CAMKMT: variants seen among roughly 807,000 people sequenced by gnomAD.
CAMKMT encodes CaM KMT.
CAMKMT carries 53 observed loss-of-function variants against 48.0 expected under a neutral mutation model. The observed-to-expected ratio is 1.10, with a 90% confidence interval of 0.89 to 1.39. The LOEUF is 1.39. CAMKMT is among the 40% of genes most tolerant of loss of function. CAMKMT has a pLI of 0.00. For synonymous variants in CAMKMT, 165 were observed against 152.3 expected, an observed-to-expected ratio of 1.08 and a Z score of -0.61; for missense variants, 428 against 402.7, an observed-to-expected ratio of 1.06 and a Z score of -0.54.
intron 2 of CAMKMT, among the ~76,000 whole-genome samples, chr2:44,376,799 A>G (rs1053349420): frequency 6.6e-6 from 1 of 152,244 alleles, no homozygotes; most frequent in African/African-American, 2.4e-5. Context: ...TGAAGGAATA[A>G]TTTTCCCTTA....
chr2:44,538,984 G>A (rs1351763863), intron 3 of CAMKMT, among the ~76,000 whole-genome samples: 1 of 150,254 alleles, frequency 6.7e-6, no homozygotes, highest in East Asian at 2.0e-4. Flanking sequence ...GTGTGTGTGT[G>A]TGTGTGTGTG....
Position 44,372,824 on chromosome 2 carries a change from G to A in CAMKMT, c.247G>A (p.Glu83Lys). 1 of 1,613,974 alleles carries A rather than the reference G, an allele frequency of 6.2e-7. No individual in the cohort carries two copies. Among genetic ancestry groups the A allele is most frequent in the African/African-American group, 1.3e-5 (1 of 75,038 alleles). The change falls in exon 2 of 11, where the codon GAG (glutamate) becomes AAG (lysine). Residue 83 changes from glutamate (E) to lysine (K), a missense_variant. Coordinates refer to ENST00000378494, the MANE Select transcript of CAMKMT (RefSeq NM_024766.5). Reference protein sequence around the residue: ...VTEGKERETEEEVGAWVQYTS... With the variant: ...VTEGKERETEKEVGAWVQYTS... ...AGAAGGCAAAGAAAGGGAAACTGAA[G>A]AGGAGGTTGGTGCATGGGTCCAATA... is the stretch of plus-strand genomic sequence containing the variant.
intron 3 of CAMKMT, among the ~76,000 whole-genome samples, chr2:44,669,988 A>G (rs776214180): frequency 2.0e-5 from 3 of 152,076 alleles, no homozygotes; most frequent in Non-Finnish European, 2.9e-5. Context: ...CTACTTTTCA[A>G]TGATTATAGG....
chr2:44,452,074 T>C (rs1209185775), intron 3 of CAMKMT, among the ~76,000 whole-genome samples: 1 of 151,968 alleles, frequency 6.6e-6, no homozygotes, highest in Non-Finnish European at 1.5e-5. Flanking sequence ...ACCATTCATA[T>C]TTTAGCTGGT....
At chr2:44,594,351 C>G (rs1300529970) in intron 3 of CAMKMT, among the ~76,000 whole-genome samples, 9 of 152,108 alleles carry the variant, frequency 5.9e-5, no homozygotes, top group Non-Finnish European at 4.4e-5. Context: ...CCCGTATAGC[C>G]AAGACAATCC....
In CAMKMT at chr2:44,607,883, A is replaced by G. The variant is rs144774765; in HGVS notation, c.377-96400A>G. Reference sequence around the variant, plus strand: ...GATTCAAAAAAGTAAAGAAAATAGTATAGTGAGAGCAATATACCCATTACC... The same window carrying G: ...GATTCAAAAAAGTAAAGAAAATAGTGTAGTGAGAGCAATATACCCATTACC... On this transcript the variant is annotated intron_variant, in intron 3 of 10. Transcript: ENST00000378494. 5.9e-5 allele frequency among the ~76,000 whole-genome samples: 9 copies of G among 152,216 alleles called. No homozygotes were observed. The East Asian group carries it at 1.5e-3, about 26-fold the overall frequency.
In CAMKMT at chr2:44,501,064, G is replaced by GT. The variant is rs1356092728; in HGVS notation, c.376+110770dup. Among the ~76,000 whole-genome samples, 387 of 143,408 alleles carry GT rather than the reference G, an allele frequency of 2.7e-3. 2 individuals are homozygous for GT. The highest frequency in any genetic ancestry group is 4.3e-3 in the African/African-American group (167 of 39,270). The allele number at this position is 143,408 out of a possible 152,430, so 94.1% of individuals were successfully genotyped here. A position where few individuals can be genotyped will look rare whatever the true frequency, so the allele number is the denominator to read the frequency against. ...TTTTTTTTTAACCTTATATATTTTG[G>GT]TTTTTTTTTTTCCTGGAGACTTGTA... is the stretch of plus-strand genomic sequence containing the variant. On this transcript the variant is annotated intron_variant, in intron 3 of 10. Transcript: ENST00000378494.
intron 3 of CAMKMT, among the ~76,000 whole-genome samples, chr2:44,398,385 G>A (rs577053377): frequency 2.0e-5 from 3 of 152,142 alleles, no homozygotes; most frequent in African/African-American, 7.2e-5. Flanking sequence ...GTGTCTCAGA[G>A]GAGACTGATT....
chr2:44,739,352 T>C (rs1294299585), intron 7 of CAMKMT, among the ~76,000 whole-genome samples: 1 of 152,174 alleles, frequency 6.6e-6, no homozygotes, highest in Non-Finnish European at 1.5e-5. Flanking sequence ...GACCTGCACT[T>C]GTGGCATATT....
In CAMKMT at chr2:44,752,109, C is replaced by T. The variant is rs868020741; in HGVS notation, c.699-1946C>T. Among the ~76,000 whole-genome samples, 6 of 152,106 alleles carry T rather than the reference C, an allele frequency of 3.9e-5. No individual in the cohort carries two copies. The Middle Eastern group carries it at 0.01, about 260-fold the overall frequency. ...ACATCCGAACAGTATCACTGCTTTT[C>T]GGTGCTGTATATACAATTTGGGCCC... On this transcript the variant is annotated intron_variant, in intron 8 of 10. Coordinates refer to ENST00000378494, the MANE Select transcript of CAMKMT (RefSeq NM_024766.5).
intron 3 of CAMKMT, among the ~76,000 whole-genome samples, chr2:44,426,027 A>G (rs1226978506): frequency 3.3e-5 from 5 of 152,170 alleles, no homozygotes; most frequent in Admixed American, 2.6e-4. Flanking sequence ...CACTGTGCCC[A>G]GCCAGGATTG....
intron 3 of CAMKMT, among the ~76,000 whole-genome samples, chr2:44,688,234 G>C (rs1319344354): frequency 6.6e-6 from 1 of 152,112 alleles, no homozygotes; most frequent in Non-Finnish European, 1.5e-5. Flanking sequence ...AAGTTGGTTG[G>C]AGACATTTGT....
At chr2:44,606,276 G>A (rs2103877130) in intron 3 of CAMKMT, among the ~76,000 whole-genome samples, 1 of 152,260 alleles carries the variant, frequency 6.6e-6, no homozygotes, top group Non-Finnish European at 1.5e-5. Flanking sequence ...CAGCTCATGA[G>A]GAAATTAAGT....
intron 2 of CAMKMT, among the ~76,000 whole-genome samples, chr2:44,388,099 T>G (rs1426527608): frequency 6.6e-6 from 1 of 152,186 alleles, no homozygotes; most frequent in Non-Finnish European, 1.5e-5. Flanking sequence ...TCCTTGATTA[T>G]TCCCCCAAAT....
intron 4 of CAMKMT, among the ~76,000 whole-genome samples, chr2:44,705,809 G>T (rs1209262431): frequency 6.6e-6 from 1 of 152,020 alleles, no homozygotes; most frequent in Non-Finnish European, 1.5e-5. Context: ...TAAAATTCAG[G>T]ATTGCATCTA....
chr2:44,494,302 T>G (rs1370607470), intron 3 of CAMKMT, among the ~76,000 whole-genome samples: 1 of 152,166 alleles, frequency 6.6e-6, no homozygotes, highest in Non-Finnish European at 1.5e-5. Flanking sequence ...TGACTTGCAT[T>G]TATTATTATC....
chr2:44,402,168 G>A (rs1479880684), intron 3 of CAMKMT, among the ~76,000 whole-genome samples: 1 of 151,632 alleles, frequency 6.6e-6, no homozygotes, highest in African/African-American at 2.4e-5. Context: ...CTCTACTAAA[G>A]ATACAAAAAA....
At chr2:44,685,952 G>A (rs770982249) in intron 3 of CAMKMT, among the ~76,000 whole-genome samples, 12 of 152,010 alleles carry the variant, frequency 7.9e-5, no homozygotes, top group South Asian at 2.1e-4. Context: ...AATCTGATAC[G>A]CATTTCTTTG....
At chr2:44,390,509 C>T (rs541025512) in intron 3 of CAMKMT, among the ~76,000 whole-genome samples, 14 of 144,456 alleles carry the variant, frequency 9.7e-5, no homozygotes, top group Admixed American at 6.5e-4. Flanking sequence ...AGTTTCTAAA[C>T]TTCGCAGGTG....
Sources: gnomAD v4.1 joint callset for allele counts (sites outside exome capture counted in the v4.1 genomes callset) on GRCh38, gnomAD v4.1.1 for gene constraint, MANE v1.5 for transcripts, NCBI Gene and HGNC (gene_info 2026-07-23, HGNC 2026-07-21) for gene names.